SRGAP1: variants seen among roughly 807,000 people sequenced by gnomAD.
SRGAP1 encodes SLIT-ROBO Rho GTPase activating protein 1.
A neutral mutation model predicts 121.9 loss-of-function variants in SRGAP1; 43 were observed. That is an observed-to-expected ratio of 0.35 (90% CI 0.28 to 0.46). The LOEUF (loss-of-function observed/expected upper bound fraction) is 0.46, where lower values mean the gene tolerates loss of function less well. Ranked by LOEUF, SRGAP1 falls within the 20% of genes least tolerant of loss-of-function variation. The pLI is 1.00. For missense variants in SRGAP1, 1,102 were observed against 1,350.9 expected, an observed-to-expected ratio of 0.82 and a Z score of 2.89; for synonymous variants, 447 against 485.4, an observed-to-expected ratio of 0.92 and a Z score of 1.04.
chr12:64,068,060 C>T (rs2035570964), intron 8 of SRGAP1, among the ~76,000 whole-genome samples: 1 of 151,948 alleles, frequency 6.6e-6, no homozygotes, highest in African/African-American at 2.4e-5. Flanking sequence ...GGGCAGATTG[C>T]CTGAGCTCAA....
Position 64,042,923 on chromosome 12 carries a change from G to A in SRGAP1, c.623G>A (p.Arg208Lys). Residue 208 changes from arginine (R) to lysine (K), a missense_variant, in exon 5 of 22, where the codon AGA becomes AAA. Transcript: ENST00000355086. ...GTCTTCCATATTCGACTAGAGGAGA[G>A]ACATCAACGGCGAAGCTCTGTAAAG... Reference protein sequence around the residue: ...DPVFHIRLEERHQRRSSVKKI... With the variant: ...DPVFHIRLEEKHQRRSSVKKI... 6.2e-7 allele frequency: 1 copy of A among 1,613,924 alleles called. No homozygotes were observed. The highest frequency in any genetic ancestry group is 8.5e-7 in the Non-Finnish European group (1 of 1,179,918).
intron 1 of SRGAP1, among the ~76,000 whole-genome samples, chr12:63,926,040 G>A (rs1306048382): frequency 6.6e-6 from 1 of 152,122 alleles, no homozygotes; most frequent in Admixed American, 6.6e-5. Flanking sequence ...AGTTTCAAGA[G>A]GATTTCCTTT....
intron 2 of SRGAP1, 122 bp from the exon 3 acceptor site, chr12:63,989,788 A>G: frequency 1.5e-6 from 1 of 672,746 alleles, no homozygotes; most frequent in Admixed American, 3.0e-5. Context: ...AGAAATGCTC[A>G]GAGCAGGATG....
At chr12:64,020,748 C>T (rs1371128968) in intron 4 of SRGAP1, among the ~76,000 whole-genome samples, 1 of 147,254 alleles carries the variant, frequency 6.8e-6, no homozygotes, top group East Asian at 2.0e-4. Context: ...GAGGCTGAGG[C>T]AGGACAATCG....
intron 4 of SRGAP1, among the ~76,000 whole-genome samples, chr12:64,031,270 A>G (rs1174875011): frequency 6.8e-6 from 1 of 147,426 alleles, no homozygotes; most frequent in African/African-American, 2.5e-5. Flanking sequence ...GTGAGCCGAG[A>G]TCACACCACT....
intron 1 of SRGAP1, among the ~76,000 whole-genome samples, chr12:63,851,630 C>A (rs1394594304): frequency 6.6e-6 from 1 of 150,740 alleles, no homozygotes; most frequent in South Asian, 2.1e-4. Flanking sequence ...CTCTGTCACC[C>A]AGGCTGGAGT....
At chr12:64,028,632 G>A (rs959662844) in intron 4 of SRGAP1, among the ~76,000 whole-genome samples, 2 of 152,218 alleles carry the variant, frequency 1.3e-5, no homozygotes, top group African/African-American at 4.8e-5. Context: ...AAACCCCTTT[G>A]TGGCTCATAG....
intron 1 of SRGAP1, among the ~76,000 whole-genome samples, chr12:63,943,410 C>T (rs534213172): frequency 2.6e-4 from 39 of 152,286 alleles, no homozygotes; most frequent in South Asian, 2.1e-3. Context: ...GGCCCCCATC[C>T]AAGTGTATAT....
chr12:63,938,069 G>A (rs1182235038), intron 1 of SRGAP1, among the ~76,000 whole-genome samples: 2 of 152,218 alleles, frequency 1.3e-5, no homozygotes, highest in Non-Finnish European at 2.9e-5. Context: ...TCTCCGGAGA[G>A]GAACCCTCAG....
rs2136670384 is a variant in SRGAP1 at position 64,159,290 on chromosome 12, A to T, written c.*16618A>T. 6.6e-6 allele frequency: 1 copy of T among 152,588 alleles called. No individual in the cohort carries two copies. The highest frequency in any genetic ancestry group is 1.9e-4 in the East Asian group (1 of 5,196). 9.5% of individuals were successfully genotyped at this position (152,588 alleles called of 1,614,324 possible). A position where few individuals can be genotyped will look rare whatever the true frequency, so the allele number is the denominator to read the frequency against. On this transcript the variant is annotated 3_prime_UTR_variant, in exon 22 of 22. Coordinates refer to ENST00000355086, the MANE Select transcript of SRGAP1 (RefSeq NM_020762.4). Reference sequence around the variant, plus strand: ...GGACCAACCTGACCAACATGGTGAAACCCCATCTCTACTAAAAATACAAAA... The same window carrying T: ...GGACCAACCTGACCAACATGGTGAATCCCCATCTCTACTAAAAATACAAAA...
intron 6 of SRGAP1, among the ~76,000 whole-genome samples, chr12:64,050,521 C>T (rs1198627048): frequency 1.3e-5 from 2 of 152,098 alleles, no homozygotes; most frequent in Non-Finnish European, 2.9e-5. Context: ...AGCATTCTAA[C>T]CTGCTTTTTA....
chr12:64,070,531 C>T (rs139343783), intron 8 of SRGAP1, among the ~76,000 whole-genome samples: 1 of 152,158 alleles, frequency 6.6e-6, no homozygotes, highest in Non-Finnish European at 1.5e-5. Flanking sequence ...AGATTTACCA[C>T]CCTGAGGGGA....
intron 6 of SRGAP1, among the ~76,000 whole-genome samples, chr12:64,048,520 C>G (rs2035177789): frequency 6.6e-6 from 1 of 152,126 alleles, no homozygotes. Flanking sequence ...GTATACCTAG[C>G]AGTAGGATTG....
At chr12:64,118,268 T>C (rs2036553165) in intron 18 of SRGAP1, among the ~76,000 whole-genome samples, 1 of 152,178 alleles carries the variant, frequency 6.6e-6, no homozygotes, top group African/African-American at 2.4e-5. Context: ...TTTTTGTTTT[T>C]GTTTTTGTTT....
At chr12:63,862,766 C>T (rs559907495) in intron 1 of SRGAP1, among the ~76,000 whole-genome samples, 36 of 152,244 alleles carry the variant, frequency 2.4e-4, no homozygotes, top group South Asian at 8.3e-4. Flanking sequence ...TTCTCAATGC[C>T]GTTCACAAAG....
At chr12:63,952,035 C>T (rs1442095514) in intron 1 of SRGAP1, among the ~76,000 whole-genome samples, 2 of 152,070 alleles carry the variant, frequency 1.3e-5, no homozygotes, top group African/African-American at 4.8e-5. Flanking sequence ...ATGGCTCATG[C>T]AGAAAATGAC....
At chr12:63,851,474 T>C (rs970773318) in intron 1 of SRGAP1, among the ~76,000 whole-genome samples, 3 of 152,128 alleles carry the variant, frequency 2.0e-5, no homozygotes, top group African/African-American at 7.2e-5. Context: ...AACTTCGGTG[T>C]TAGCAGTCTA....
intron 15 of SRGAP1, among the ~76,000 whole-genome samples, chr12:64,105,156 A>G (rs1392285435): frequency 6.6e-6 from 1 of 152,144 alleles, no homozygotes; most frequent in Non-Finnish European, 1.5e-5. Context: ...AAGTGGAATC[A>G]TATAATACTT....
chr12:64,147,529 G>C lies in SRGAP1; in HGVS notation c.*4857G>C. On this transcript the variant is annotated 3_prime_UTR_variant, in exon 22 of 22. Transcript: ENST00000355086. ...TCGTTTTCCTTGTAGACGTGATTGT[G>C]CCTTTCTCACCCCTGTGTCCTCCCA... 1 of 398,762 alleles carries C rather than the reference G, an allele frequency of 2.5e-6. No homozygotes were observed. Among genetic ancestry groups the C allele is most frequent in the Non-Finnish European group, 4.4e-6 (1 of 226,266 alleles). 24.7% of individuals were successfully genotyped at this position (398,762 alleles called of 1,614,324 possible). A position where few individuals can be genotyped will look rare whatever the true frequency, so the allele number is the denominator to read the frequency against.
Sources: gnomAD v4.1 joint callset for allele counts (sites outside exome capture counted in the v4.1 genomes callset) on GRCh38, gnomAD v4.1.1 for gene constraint, MANE v1.5 for transcripts, NCBI Gene and HGNC (gene_info 2026-07-23, HGNC 2026-07-21) for gene names.